CYP2A6: variants seen among roughly 807,000 people sequenced by gnomAD.
CYP2A6 encodes cytochrome P450 family 2 subfamily A member 6.
In CYP2A6, 27 loss-of-function variants were observed where a neutral mutation model predicts 42.3. The ratio of observed to expected loss-of-function variants is 0.64; its 90% confidence interval spans 0.47 to 0.88. The LOEUF is 0.88. Among genes scored for constraint, CYP2A6 ranks in the 40% least tolerant of loss-of-function variants. The probability of loss-of-function intolerance (pLI) is 0.00; values close to 1 mark genes in which losing one functional copy is unlikely to be tolerated. For missense variants in CYP2A6, 628 were observed against 646.0 expected, an observed-to-expected ratio of 0.97 and a Z score of 0.30; for synonymous variants, 238 against 246.3, an observed-to-expected ratio of 0.97 and a Z score of 0.31.
intron 4 of CYP2A6, among the ~76,000 whole-genome samples, chr19:40,847,739 G>C (rs1599779092): frequency 6.6e-6 from 1 of 151,674 alleles, no homozygotes; most frequent in South Asian, 2.1e-4. Flanking sequence ...GTGAAGTAGA[G>C]GGCGCTTGGC....
chr19:40,848,169 A>C (rs754197365), intron 4 of CYP2A6, 50 bp downstream of exon 4: 4 of 1,601,986 alleles, frequency 2.5e-6, no homozygotes, highest in South Asian at 1.1e-5. Context: ...GTAGGGGAGC[A>C]GTTGGCAGGT....
chr19:40,849,038 AGAGAGAGG>A (rs1568516210), intron 2 of CYP2A6, among the ~76,000 whole-genome samples: 27 of 39,756 alleles, frequency 6.8e-4, no homozygotes, highest in South Asian at 2.2e-3. Context: ...GAGAGAGAAG[AGAGAGAGG>A]AGAGAGAGAG....
intron 4 of CYP2A6, among the ~76,000 whole-genome samples, 192 bp downstream of exon 4, chr19:40,848,027 G>T (rs990849831): frequency 6.6e-5 from 10 of 151,694 alleles, no homozygotes; most frequent in South Asian, 2.1e-4. Context: ...AGCTATCCAG[G>T]TGTCCTTGGA....
At chr19:40,850,180 T>G in intron 1 of CYP2A6, 67 bp downstream of exon 1, 2 of 1,571,206 alleles carry the variant, frequency 1.3e-6, no homozygotes, top group African/African-American at 1.3e-5. Flanking sequence ...GTCAACCCCC[T>G]GCCACAAAGC....
rs28399439 is a variant in CYP2A6, at chr19:40,849,808, AC to A, written c.343+9del. On this transcript the variant is annotated intron_variant, in intron 2 of 8. Coordinates refer to ENST00000301141, the MANE Select transcript of CYP2A6 (RefSeq NM_000762.6). ...CCTGGCCACCTTCCCCCTCTTGGGCACCCCCTCACCATAGCCTTTGAAGACC... is the reference window on the plus strand; with the variant it reads ...CCTGGCCACCTTCCCCCTCTTGGGCACCCCTCACCATAGCCTTTGAAGACC... 7.6e-3 allele frequency: 12,188 copies of A among 1,609,334 alleles called. 911 individuals are homozygous for A. In the African/African-American group the frequency reaches 0.14, roughly 18 times the overall value.
rs548247947 is a variant in CYP2A6 at position 40,845,035 on chromosome 19, G to T, written c.1161+259C>A. On this transcript the variant is annotated intron_variant, in intron 7 of 8. Transcript: ENST00000301141. ...CTGTCCCTATGACAAAAGGCCGAAT[G>T]GAAAGGGGGCTTCTGTTTCTTAAGA... The T allele has an allele frequency of 3.7e-5, 24 of 647,322 alleles. No homozygotes were observed. The African/African-American group carries it at 3.9e-4, about 10-fold the overall frequency. 40.1% of individuals were successfully genotyped at this position (647,322 alleles called of 1,614,324 possible). A position where few individuals can be genotyped will look rare whatever the true frequency, so the allele number is the denominator to read the frequency against.
chr19:40,845,628 G>T, intron 6 of CYP2A6, 147 bp from the exon 7 acceptor site: 4 of 1,367,514 alleles, frequency 2.9e-6, no homozygotes, highest in East Asian at 2.6e-5. Flanking sequence ...TCAGCCATTC[G>T]CATTGTTGGA....
rs780456650 is a variant in CYP2A6, at chr19:40,850,427, G to C, written c.-1C>G. The stretch of plus-strand genomic sequence containing the variant: ...CCAGAAGCATCCCTGAGGCCAGCAT[G>C]GTGGTAGTGGGATGATAGATGGTGA... On this transcript the variant is annotated 5_prime_UTR_variant, in exon 1 of 9. Coordinates refer to ENST00000301141, the MANE Select transcript of CYP2A6 (RefSeq NM_000762.6). The C allele has an allele frequency of 1.6e-5, 26 of 1,607,512 alleles. No homozygotes were observed. The highest frequency in any genetic ancestry group is 2.0e-5 in the Non-Finnish European group (24 of 1,177,160).
In CYP2A6 at chr19:40,848,242, A is replaced by T; in HGVS notation, c.631T>A (p.Phe211Ile). ...ACCTGCCCCGTGGAGGTTGACGTGA[A>T]CTGGAAGATTCCTAGCATCATGCGC... ...LLRMMLGIFQ[F>I]TSTSTGQLYE... is the part of the protein sequence containing the mutation. The change falls in exon 4 of 9, where the codon TTC (phenylalanine) becomes ATC (isoleucine). Residue 211 changes from phenylalanine (F) to isoleucine (I), a missense_variant. Phe to Ile is a conservative substitution (Grantham distance 21). Transcript: ENST00000301141. The T allele has an allele frequency of 6.2e-7, 1 of 1,611,772 alleles. No homozygotes were observed. The highest frequency in any genetic ancestry group is 8.5e-7 in the Non-Finnish European group (1 of 1,179,892).
intron 7 of CYP2A6, 189 bp from the exon 8 acceptor site, chr19:40,844,961 A>G: frequency 1.3e-6 from 1 of 780,784 alleles, no homozygotes; most frequent in Non-Finnish European, 2.0e-6. Context: ...AGTTTGGGAG[A>G]CATGGGGTCC....
chr19:40,850,046 G>T, intron 1 of CYP2A6, 66 bp from the exon 2 acceptor site: 3 of 1,592,094 alleles, frequency 1.9e-6, no homozygotes, highest in Non-Finnish European at 2.6e-6. Context: ...CCAGCACCGA[G>T]ATGTCATGTG....
intron 5 of CYP2A6, 123 bp from the exon 6 acceptor site, chr19:40,846,220 C>A: frequency 5.1e-6 from 7 of 1,367,786 alleles, no homozygotes; most frequent in Non-Finnish European, 6.9e-6. Context: ...GACCCTAGAT[C>A]TACCAGACTC....
intron 8 of CYP2A6, among the ~76,000 whole-genome samples, 176 bp from the exon 9 acceptor site, chr19:40,844,153 G>A (rs2049898500): frequency 1.3e-5 from 2 of 150,812 alleles, no homozygotes; most frequent in East Asian, 2.0e-4. Flanking sequence ...TATAAGAGAT[G>A]TAACAATGGT....
intron 2 of CYP2A6, 102 bp from the exon 3 acceptor site, chr19:40,848,865 G>T (rs1486455018): frequency 2.8e-6 from 4 of 1,407,158 alleles, no homozygotes; most frequent in Non-Finnish European, 3.9e-6. Context: ...AGAGGGAGTA[G>T]GGTGGGAGAG....
At chr19:40,845,691 G>T (rs1479277105) in intron 6 of CYP2A6, among the ~76,000 whole-genome samples, 1 of 151,520 alleles carries the variant, frequency 6.6e-6, no homozygotes, top group Non-Finnish European at 1.5e-5. Context: ...GCACAGGGAG[G>T]AACTTAGGGG....
Position 40,846,108 on chromosome 19 carries a change from AG to A in CYP2A6, c.832-12del, listed in dbSNP as rs761994974. 62 of 1,610,680 alleles carry A rather than the reference AG, an allele frequency of 3.8e-5. 1 individual carries two copies. The African/African-American group carries it at 7.6e-4, about 20-fold the overall frequency. ...GGGGTTCTTCTCCTCCTGCAGGGAG[AG>A]GGGGCTTTAGGCCAACCTCACTCCT... On this transcript the variant is annotated splice_polypyrimidine_tract_variant and intron_variant, in intron 5 of 8. Transcript: ENST00000301141.
At chr19:40,845,226 G>A in intron 7 of CYP2A6, 68 bp downstream of exon 7, 1 of 1,594,896 alleles carries the variant, frequency 6.3e-7, no homozygotes, top group Non-Finnish European at 8.6e-7. Flanking sequence ...TCTAATGTGG[G>A]TGGGATGCTG....
In CYP2A6 at chr19:40,843,827, C is replaced by A. The variant is rs28399468; in HGVS notation, c.1454G>T (p.Arg485Leu). The change falls in exon 9 of 9, where the codon CGA becomes CTA. Residue 485 changes from arginine to leucine, a missense_variant. Physicochemically the swap from Arg to Leu is moderately radical, Grantham distance 102. Around this residue, in one of 2 missense-constraint regions of CYP2A6, gnomAD observed 22 missense variants for 77.8 expected, o/e 0.28. Coordinates refer to ENST00000301141, the MANE Select transcript of CYP2A6 (RefSeq NM_000762.6). ...PKHVGFATIPRNYTMSFLPR is the reference protein window; with the variant it reads ...PKHVGFATIPLNYTMSFLPR ...GGGCAGGAAGCTCATGGTGTAGTTT[C>A]GTGGGATCGTGGCAAAGCCCACGTG... is the stretch of plus-strand genomic sequence containing the variant. The A allele has an allele frequency of 9.8e-4, 1,584 of 1,609,270 alleles. 13 individuals carry two copies. In the East Asian group the frequency reaches 0.032, roughly 33 times the overall value.
At chr19:40,845,895 C>T in intron 6 of CYP2A6, 61 bp downstream of exon 6, 2 of 1,584,382 alleles carry the variant, frequency 1.3e-6, no homozygotes, top group Non-Finnish European at 1.7e-6. Flanking sequence ...GGACATTGCA[C>T]CAGTCGAAGG....
Sources: gnomAD v4.1 joint callset for allele counts (sites outside exome capture counted in the v4.1 genomes callset) on GRCh38, gnomAD v4.1.1 for gene constraint, gnomAD v4.1.1 regional missense constraint, MANE v1.5 for transcripts, NCBI Gene and HGNC (gene_info 2026-07-23, HGNC 2026-07-21) for gene names.